The following HECW1 variants were observed in gnomAD, a reference collection of about 807,000 sequenced individuals.
The protein encoded by HECW1 is HECT, C2 and WW domain containing E3 ubiquitin protein ligase 1, also known as E3 ubiquitin-protein ligase HECW1.
HECW1 carries 61 observed loss-of-function variants against 182.3 expected under a neutral mutation model. The ratio of observed to expected loss-of-function variants is 0.33; its 90% CI spans 0.27 to 0.41. The LOEUF is 0.41. Ranked by LOEUF, HECW1 falls within the 10% of genes least tolerant of loss-of-function variation. The pLI, the probability that HECW1 is intolerant of heterozygous loss-of-function variation, is 1.00. For synonymous variants in HECW1, 859 were observed against 832.6 expected, an observed-to-expected ratio of 1.03 and a Z score of -0.55; for missense variants, 1,739 against 2,108.9, an observed-to-expected ratio of 0.82 and a Z score of 3.44.
chr7:43,466,712 G>A, intron 15 of HECW1, 144 bp downstream of exon 15: 1 of 960,276 alleles, frequency 1.0e-6, no homozygotes, highest in South Asian at 2.3e-5. Flanking sequence ...CCACTCTTTT[G>A]ACTATCCGTG....
At chr7:43,162,490 A>G (rs965948080) in intron 2 of HECW1, among the ~76,000 whole-genome samples, 2 of 152,236 alleles carry the variant, frequency 1.3e-5, no homozygotes, top group African/African-American at 4.8e-5. Context: ...TCACAAGGAC[A>G]CTTGTCATTG....
At chr7:43,493,869 G>A (rs113325011) in intron 19 of HECW1, among the ~76,000 whole-genome samples, 15 of 152,254 alleles carry the variant, frequency 9.9e-5, no homozygotes, top group South Asian at 4.1e-4. Context: ...TGATGGAGGC[G>A]TGTTATTCAA....
intron 3 of HECW1, among the ~76,000 whole-genome samples, chr7:43,293,232 A>AG (rs1316498229): frequency 1.3e-5 from 2 of 151,046 alleles, no homozygotes; most frequent in African/African-American, 4.9e-5. Context: ...AAAAAAAAAA[A>AG]AAAAGAAAAG....
intron 26 of HECW1, among the ~76,000 whole-genome samples, chr7:43,544,652 T>C (rs369632470): frequency 6.6e-6 from 1 of 152,186 alleles, no homozygotes; most frequent in East Asian, 1.9e-4. Context: ...ACTAATATAT[T>C]AGGATCTTCA....
chr7:43,228,060 A>G (rs1195042173), intron 2 of HECW1, among the ~76,000 whole-genome samples: 1 of 152,262 alleles, frequency 6.6e-6, no homozygotes, highest in Non-Finnish European at 1.5e-5. Context: ...GCTTTCCAAA[A>G]TTAAAGTGTT....
intron 3 of HECW1, among the ~76,000 whole-genome samples, chr7:43,280,422 C>T (rs983173905): frequency 3.3e-5 from 5 of 152,120 alleles, no homozygotes; most frequent in African/African-American, 7.2e-5. Context: ...ATTAAAATGC[C>T]GAGTCACACA....
chr7:43,557,560 G>A (rs745570097), intron 29 of HECW1, among the ~76,000 whole-genome samples: 1 of 152,220 alleles, frequency 6.6e-6, no homozygotes, highest in Non-Finnish European at 1.5e-5. Flanking sequence ...GGGCTTGGGT[G>A]TTCACCCTGT....
Position 43,541,155 on chromosome 7 carries a change from T to C in HECW1, c.4020-8T>C, listed in dbSNP as rs1167535479. 2 of 1,607,896 alleles carry C rather than the reference T, an allele frequency of 1.2e-6. No individual in the cohort carries two copies. Among genetic ancestry groups the C allele is most frequent in the East Asian group, 2.2e-5 (1 of 44,868 alleles). On this transcript the variant is annotated splice_polypyrimidine_tract_variant and splice_region_variant and intron_variant, in intron 24 of 29. Transcript: ENST00000395891. ...CTTACCGATTTCTCTGCCTTGTCTG[T>C]GTTCCAGGTTCAGGTTTAGCGGTCG...
At chr7:43,459,124 AC>A (rs1328784230) in intron 13 of HECW1, among the ~76,000 whole-genome samples, 1 of 151,928 alleles carries the variant, frequency 6.6e-6, no homozygotes, top group East Asian at 1.9e-4. Flanking sequence ...CATCCTACAG[AC>A]CTGACTCAAT....
At chr7:43,340,288 T>TCA (rs367635257) in intron 5 of HECW1, among the ~76,000 whole-genome samples, 2 of 137,962 alleles carry the variant, frequency 1.4e-5, no homozygotes, top group African/African-American at 5.8e-5. Flanking sequence ...CAGAGCAGTC[T>TCA]CAGCTCACTG....
At chr7:43,390,384 T>A (rs2074976464) in intron 6 of HECW1, among the ~76,000 whole-genome samples, 1 of 151,792 alleles carries the variant, frequency 6.6e-6, no homozygotes, top group Non-Finnish European at 1.5e-5. Context: ...ACAAAAAAAT[T>A]TTTTTAATTT....
Position 43,416,278 on chromosome 7 carries a change from G to A in HECW1, c.801+8547G>A, listed in dbSNP as rs1319275443. Among the ~76,000 whole-genome samples the A allele has an allele frequency of 1.5e-3, 221 of 148,698 alleles. 5 individuals carry two copies. The highest frequency in any genetic ancestry group is 3.6e-3 in the African/African-American group (137 of 38,132). On this transcript the variant is annotated intron_variant, in intron 8 of 29. Coordinates refer to ENST00000395891, the MANE Select transcript of HECW1 (RefSeq NM_015052.5). ...CACCCTCAGCTGCAGGTCTGTTGGA[G>A]TACCCTGCTGTGTGAGGTGTCAGTG...
intron 2 of HECW1, among the ~76,000 whole-genome samples, chr7:43,124,380 A>G (rs1218388418): frequency 6.6e-6 from 1 of 152,132 alleles, no homozygotes; most frequent in Non-Finnish European, 1.5e-5. Context: ...ACTTCAGGCA[A>G]TTTTCAGGCA....
chr7:43,541,416 T>A (rs4724217), intron 25 of HECW1, among the ~76,000 whole-genome samples, 155 bp downstream of exon 25: 23,747 of 152,204 alleles, frequency 0.16, 2,182 homozygotes, highest in East Asian at 0.34. Context: ...TAGATATCAC[T>A]TACATTTTTT....
At chr7:43,387,200 C>G (rs1165324021) in intron 6 of HECW1, among the ~76,000 whole-genome samples, 1 of 152,140 alleles carries the variant, frequency 6.6e-6, no homozygotes. Flanking sequence ...CCCTCCCCTC[C>G]TCACACAGCC....
intron 2 of HECW1, chr7:43,208,002 C>A (rs1352304686): frequency 6.6e-6 from 1 of 152,196 alleles, no homozygotes; most frequent in Non-Finnish European, 1.5e-5. Flanking sequence ...GATGTTACCT[C>A]AATTAGAAAT....
At chr7:43,268,037 T>A (rs1437993676) in intron 3 of HECW1, among the ~76,000 whole-genome samples, 1 of 152,202 alleles carries the variant, frequency 6.6e-6, no homozygotes, top group Non-Finnish European at 1.5e-5. Context: ...CACTTCATAT[T>A]GGTGCTAGAA....
intron 8 of HECW1, among the ~76,000 whole-genome samples, chr7:43,430,653 C>A (rs986908512): frequency 6.6e-6 from 1 of 152,016 alleles, no homozygotes; most frequent in African/African-American, 2.4e-5. Context: ...GATGGTAAAG[C>A]TTACATTTTA....
At chr7:43,435,323 T>A (rs1017645665) in intron 8 of HECW1, among the ~76,000 whole-genome samples, 13 of 152,192 alleles carry the variant, frequency 8.5e-5, no homozygotes, top group Admixed American at 3.3e-4. Flanking sequence ...CAGGGCTGGA[T>A]TCTCACTTAG....
Sources: gnomAD v4.1 joint callset for allele counts (sites outside exome capture counted in the v4.1 genomes callset) on GRCh38, gnomAD v4.1.1 for gene constraint, MANE v1.5 for transcripts, NCBI Gene and HGNC (gene_info 2026-07-23, HGNC 2026-07-21) for gene names.